SLC6A6: variants seen among roughly 807,000 people sequenced by gnomAD.
SLC6A6 encodes the protein solute carrier family 6 member 6.
In SLC6A6, 16 loss-of-function variants were observed where a neutral mutation model predicts 68.8. The observed-to-expected ratio is 0.23, with a 90% CI of 0.16 to 0.35. The LOEUF (loss-of-function observed/expected upper bound fraction) is 0.35. Among genes scored for constraint, SLC6A6 ranks in the 10% least tolerant of loss-of-function variants. SLC6A6 has a pLI of 1.00. For missense variants in SLC6A6, 474 were observed against 802.8 expected (o/e 0.59, Z 4.95); for synonymous variants, 312 against 315.4 (o/e 0.99, Z 0.12).
rs572747410 is a variant in SLC6A6 at position 14,459,665 on chromosome 3, C to T, written c.732+1583C>T. Among the ~76,000 whole-genome samples, 95 of 152,182 alleles carry T rather than the reference C, an allele frequency of 6.2e-4. 2 individuals are homozygous for T. The Middle Eastern group carries it at 0.017, about 27-fold the overall frequency. On this transcript the variant is annotated intron_variant, in intron 6 of 14. Transcript: ENST00000622186. ...GGAGAGCACCTTCACTGTGCTACCC[C>T]GGTTCTCTGTCTCACAAGCACACCA...
At chr3:14,428,007 CT>C (rs1157978603) in intron 2 of SLC6A6, among the ~76,000 whole-genome samples, 1 of 152,194 alleles carries the variant, frequency 6.6e-6, no homozygotes, top group Non-Finnish European at 1.5e-5. Context: ...AGATGCTCCC[CT>C]AACTGTATCC....
chr3:14,443,869 C>G lies in SLC6A6; in HGVS notation c.229+6C>G. On this transcript the variant is annotated splice_donor_region_variant and intron_variant, in intron 3 of 14. Coordinates refer to ENST00000622186, the MANE Select transcript of SLC6A6 (RefSeq NM_003043.6). ...CTGCTACAAGAATGGTGGAGGTGAG[C>G]TTGGGCCGGGCCACAGGGGAGCCCA... 1 of 1,601,666 alleles carries G rather than the reference C, an allele frequency of 6.2e-7. No individual in the cohort carries two copies.
intron 6 of SLC6A6, among the ~76,000 whole-genome samples, chr3:14,462,656 G>A (rs967602184): frequency 2.6e-5 from 4 of 152,032 alleles, no homozygotes; most frequent in African/African-American, 7.3e-5. Context: ...CTTTGATTGC[G>A]CCATTGCACT....
chr3:14,408,993 A>G (rs1389640739), intron 1 of SLC6A6, among the ~76,000 whole-genome samples: 1 of 152,138 alleles, frequency 6.6e-6, no homozygotes, highest in East Asian at 1.9e-4. Context: ...TATTTTTAGT[A>G]GAGACAGAGT....
intron 1 of SLC6A6, among the ~76,000 whole-genome samples, chr3:14,407,134 C>G (rs1015105494): frequency 6.6e-6 from 1 of 151,822 alleles, no homozygotes; most frequent in South Asian, 2.1e-4. Context: ...ACTGCAGCCT[C>G]GATCTCCTGG....
intron 1 of SLC6A6, among the ~76,000 whole-genome samples, chr3:14,414,159 C>T (rs973380636): frequency 7.2e-5 from 11 of 152,204 alleles, no homozygotes; most frequent in African/African-American, 2.7e-4. Context: ...TCTCTCTATG[C>T]CTGCTTCATT....
Position 14,423,226 on chromosome 3 carries a change from C to T in SLC6A6, c.-12+6773C>T, listed in dbSNP as rs116008089. ...TGTCTTCTGGATAGGAAGAAGGGGA[C>T]GAAGTGCCTCTGGAAGGACAGACAG... On this transcript the variant is annotated intron_variant, in intron 2 of 14. Coordinates refer to ENST00000622186, the MANE Select transcript of SLC6A6 (RefSeq NM_003043.6). Among the ~76,000 whole-genome samples, 706 of 152,296 alleles carry T rather than the reference C, an allele frequency of 4.6e-3. 4 individuals are homozygous for T. The highest frequency in any genetic ancestry group is 8.9e-3 in the South Asian group (43 of 4,824).
chr3:14,456,619 A>T (rs750085267), intron 5 of SLC6A6, among the ~76,000 whole-genome samples: 6 of 152,266 alleles, frequency 3.9e-5, no homozygotes, highest in Non-Finnish European at 7.3e-5. Flanking sequence ...TCCGAGAACC[A>T]GAGCCCTGAC....
In SLC6A6 at chr3:14,477,102, G is replaced by A. The variant is rs188978472; in HGVS notation, c.1210-103G>A. 2.9e-3 allele frequency: 3,105 copies of A among 1,086,128 alleles called. 9 individuals carry two copies. The highest frequency in any genetic ancestry group is 3.8e-3 in the Non-Finnish European group (2,766 of 731,238). The allele number at this position is 1,086,128 out of a possible 1,614,324, so 67.3% of individuals were successfully genotyped here. ...CAATTCTGGACACAAGGATGGTCAC[G>A]TCTGCTCCTGCATTGTGTGTTCCTG... On this transcript the variant is annotated intron_variant, in intron 10 of 14. Transcript: ENST00000622186. This position sits in a 1 kb window ranked among gnomAD's most constrained non-coding sequence, Gnocchi z 4.2.
chr3:14,425,438 A>G (rs1021988767), intron 2 of SLC6A6, among the ~76,000 whole-genome samples: 1 of 152,164 alleles, frequency 6.6e-6, no homozygotes, highest in Non-Finnish European at 1.5e-5. Context: ...CATTGTCGGG[A>G]GGAATTATGT....
chr3:14,481,845 A>G lies in SLC6A6; in HGVS notation c.1722+4A>G. ...GACTGAGGGGCCGTTCCTTGTGGTAAGTGCTTGGGCCCAGGGCCAGGGGAG... is the reference window on the plus strand; with the variant it reads ...GACTGAGGGGCCGTTCCTTGTGGTAGGTGCTTGGGCCCAGGGCCAGGGGAG... On this transcript the variant is annotated splice_donor_region_variant and intron_variant, in intron 14 of 14. Coordinates refer to ENST00000622186, the MANE Select transcript of SLC6A6 (RefSeq NM_003043.6). This position sits in a 1 kb window ranked among gnomAD's most constrained non-coding sequence, Gnocchi z 4.7. 1 of 1,613,326 alleles carries G rather than the reference A, an allele frequency of 6.2e-7. No homozygotes were observed. The highest frequency in any genetic ancestry group is 8.5e-7 in the Non-Finnish European group (1 of 1,179,544).
intron 1 of SLC6A6, among the ~76,000 whole-genome samples, chr3:14,413,615 T>C (rs986545644): frequency 6.6e-6 from 1 of 152,102 alleles, no homozygotes; most frequent in Non-Finnish European, 1.5e-5. Context: ...GGGCTCCGCA[T>C]TCTGGGTTTT....
Position 14,452,051 on chromosome 3 carries a change from A to G in SLC6A6, c.599+4235A>G, listed in dbSNP as rs1004182010. Among the ~76,000 whole-genome samples the G allele has an allele frequency of 3.9e-5, 6 of 152,284 alleles. No individual in the cohort carries two copies. The South Asian group carries it at 8.3e-4, about 21-fold the overall frequency. ...AGGTGCTCAGTAGTCTCTGGAAGTCAGGGGTACGAGGCACCAGGGGAGCGG... is the reference window on the plus strand; with the variant it reads ...AGGTGCTCAGTAGTCTCTGGAAGTCGGGGGTACGAGGCACCAGGGGAGCGG... On this transcript the variant is annotated intron_variant, in intron 5 of 14. Coordinates refer to ENST00000622186, the MANE Select transcript of SLC6A6 (RefSeq NM_003043.6).
chr3:14,484,787 A>G (rs1201410134), intron 14 of SLC6A6, 80 bp from the exon 15 acceptor site: 2 of 1,458,950 alleles, frequency 1.4e-6, no homozygotes, highest in Non-Finnish European at 1.9e-6. Context: ...GAGCCAATTC[A>G]GGAGGAGGCA....
rs1033784032 is a variant in SLC6A6, at chr3:14,483,855, A to C, written c.1723-1012A>C. 1.3e-5 allele frequency among the ~76,000 whole-genome samples: 2 copies of C among 148,408 alleles called. 1 individual carries two copies. The highest frequency in any genetic ancestry group is 3.0e-5 in the Non-Finnish European group (2 of 66,768). On this transcript the variant is annotated intron_variant, in intron 14 of 14. Transcript: ENST00000622186. ...TACCACCATGCCTGGCTAATTTTTAATTTTTTTTTTTAAGAGTTAGGGTCT... is the reference window on the plus strand; with the variant it reads ...TACCACCATGCCTGGCTAATTTTTACTTTTTTTTTTTAAGAGTTAGGGTCT...
chr3:14,431,522 C>A (rs969440203), intron 2 of SLC6A6, among the ~76,000 whole-genome samples: 4 of 152,086 alleles, frequency 2.6e-5, no homozygotes, highest in Admixed American at 1.3e-4. Context: ...AAGAGTGTAC[C>A]GGGCTGAGGG....
chr3:14,480,040 A>G (rs979020812), intron 13 of SLC6A6, among the ~76,000 whole-genome samples: 9 of 152,200 alleles, frequency 5.9e-5, no homozygotes, highest in East Asian at 3.8e-4. Flanking sequence ...GACTAAGTCA[A>G]TGTTGCTGTT....
In SLC6A6 at chr3:14,477,267, G is replaced by T. The variant is rs560112925; in HGVS notation, c.1272G>T (p.Lys424Asn). ...ATCTTTACCCATCCTTCCTAAGGAA[G>T]GGTTATCGTCGGGAAATCTTCATCG... ...LVDLYPSFLR[K>N]GYRREIFIAF... The change falls in exon 11 of 15, where the codon AAG (lysine) becomes AAT (asparagine). Residue 424 changes from lysine (K) to asparagine (N), a missense_variant. Lys to Asn is a moderately conservative substitution (Grantham distance 94, BLOSUM62 0). This residue lies in a region of SLC6A6 where 194 missense variants were observed against 269.8 expected (regional missense o/e 0.72). Transcript: ENST00000622186. The surrounding 1 kb of genome is among the most constrained non-coding windows in gnomAD (Gnocchi z 4.2). 7 of 1,613,928 alleles carry T rather than the reference G, an allele frequency of 4.3e-6. No individual in the cohort carries two copies. The highest frequency in any genetic ancestry group is 5.9e-6 in the Non-Finnish European group (7 of 1,179,784).
chr3:14,403,712 C>G (rs1699041034), intron 1 of SLC6A6, among the ~76,000 whole-genome samples: 1 of 152,244 alleles, frequency 6.6e-6, no homozygotes, highest in Non-Finnish European at 1.5e-5. Flanking sequence ...CTTCCCCCTC[C>G]AGACTATTTC....
Sources: allele counts gnomAD v4.1 joint callset (sites outside exome capture counted in the v4.1 genomes callset), GRCh38; gene constraint gnomAD v4.1.1; regional missense constraint gnomAD v4.1.1; non-coding constraint Gnocchi (gnomAD v3.1); transcripts MANE v1.5; gene names NCBI Gene and HGNC (gene_info 2026-07-23, HGNC 2026-07-21).